PKIB: variants seen among roughly 807,000 people sequenced by gnomAD.
PKIB encodes cAMP-dependent protein kinase inhibitor beta.
PKIB carries 2 observed loss-of-function variants against 4.5 expected under a neutral mutation model. That is an observed-to-expected ratio of 0.44 (90% CI 0.18 to 1.39). The LOEUF is 1.39. PKIB is among the 40% of genes most tolerant of loss of function. The probability of loss-of-function intolerance (pLI) is 0.27; values close to 1 mark genes in which losing one functional copy is unlikely to be tolerated. For synonymous variants in PKIB, 38 were observed against 36.0 expected (o/e 1.06, Z -0.20); for missense variants, 94 against 92.6 (o/e 1.02, Z -0.06).
chr6:122,578,827 G>C (rs1169414795), intron 2 of PKIB, among the ~76,000 whole-genome samples: 1 of 152,132 alleles, frequency 6.6e-6, no homozygotes, highest in Non-Finnish European at 1.5e-5. Context: ...CGAATCATGG[G>C]GTCAGTTACC....
At chr6:122,643,499 G>C (rs1776194707) in intron 2 of PKIB, 1 of 152,002 alleles carries the variant, frequency 6.6e-6, no homozygotes, top group South Asian at 2.1e-4. Context: ...TATAAGTTAA[G>C]TGATACGTTA....
chr6:122,561,659 T>A (rs955263800), intron 2 of PKIB, among the ~76,000 whole-genome samples: 4 of 152,134 alleles, frequency 2.6e-5, no homozygotes, highest in South Asian at 4.1e-4. Context: ...CTTTTACCTT[T>A]ATATATTGTC....
At chr6:122,676,127 G>A (rs2114959605) in intron 3 of PKIB, among the ~76,000 whole-genome samples, 1 of 151,908 alleles carries the variant, frequency 6.6e-6, no homozygotes, top group South Asian at 2.1e-4. Flanking sequence ...CGCTGAGCTT[G>A]TTTTCCTGCA....
intron 3 of PKIB, among the ~76,000 whole-genome samples, chr6:122,684,389 T>C (rs1778015787): frequency 6.6e-6 from 1 of 152,118 alleles, no homozygotes; most frequent in Non-Finnish European, 1.5e-5. Flanking sequence ...AAAAAACACT[T>C]TCCCCTAAGC....
At chr6:122,508,755 A>T (rs987207179) in intron 2 of PKIB, among the ~76,000 whole-genome samples, 1 of 147,354 alleles carries the variant, frequency 6.8e-6, no homozygotes, top group Admixed American at 6.8e-5. Flanking sequence ...GCTGATTAAA[A>T]TTTTTTTTTT....
At chr6:122,666,045 A>T (rs1290577034) in intron 2 of PKIB, among the ~76,000 whole-genome samples, 4 of 152,200 alleles carry the variant, frequency 2.6e-5, no homozygotes, top group African/African-American at 9.6e-5. Flanking sequence ...CAAATAAGGA[A>T]ATGTGAGCCG....
chr6:122,572,337 A>G (rs1252796462), intron 2 of PKIB, among the ~76,000 whole-genome samples: 1 of 152,100 alleles, frequency 6.6e-6, no homozygotes, highest in Non-Finnish European at 1.5e-5. Context: ...CCTCCAAACT[A>G]TACAAATACA....
intron 3 of PKIB, among the ~76,000 whole-genome samples, chr6:122,688,471 T>C (rs919495267): frequency 1.3e-5 from 2 of 151,434 alleles, no homozygotes; most frequent in East Asian, 4.0e-4. Flanking sequence ...CATTATGGGA[T>C]GAATTTGACA....
chr6:122,498,779 T>G (rs1049992725), intron 2 of PKIB, among the ~76,000 whole-genome samples: 5 of 152,094 alleles, frequency 3.3e-5, no homozygotes, highest in Non-Finnish European at 7.4e-5. Context: ...AAATATAAAG[T>G]GAGTTCTTTA....
intron 2 of PKIB, among the ~76,000 whole-genome samples, chr6:122,539,238 G>A (rs1249641222): frequency 8.6e-5 from 13 of 152,010 alleles, no homozygotes; most frequent in Non-Finnish European, 1.9e-4. Context: ...AGGGGTGAGA[G>A]AGGGCATCCC....
At chr6:122,613,348 G>T (rs1318903367) in intron 1 of PKIB, among the ~76,000 whole-genome samples, 1 of 152,120 alleles carries the variant, frequency 6.6e-6, no homozygotes, top group Admixed American at 6.5e-5. Flanking sequence ...GATAAGCATT[G>T]TTAATCATGA....
intron 2 of PKIB, among the ~76,000 whole-genome samples, chr6:122,633,893 C>T (rs1183331172): frequency 6.6e-6 from 1 of 152,034 alleles, no homozygotes; most frequent in Non-Finnish European, 1.5e-5. Flanking sequence ...GTTTGAGAGA[C>T]AGGTTTTTGT....
At chr6:122,673,396 C>T (rs1777541911) in intron 2 of PKIB, among the ~76,000 whole-genome samples, 1 of 152,096 alleles carries the variant, frequency 6.6e-6, no homozygotes. Context: ...TGTATATTTA[C>T]ATTACATTAT....
intron 3 of PKIB, among the ~76,000 whole-genome samples, chr6:122,601,061 T>G (rs1387866886): frequency 2.2e-5 from 3 of 139,118 alleles, no homozygotes; most frequent in Non-Finnish European, 4.7e-5. Context: ...TATGACAGAG[T>G]AAAAAAAAAA....
At chr6:122,490,595 C>T (rs76164523) in intron 2 of PKIB, among the ~76,000 whole-genome samples, 14,400 of 152,074 alleles carry the variant, frequency 0.095, 813 homozygotes, top group South Asian at 0.15. Flanking sequence ...GGACCTCTCC[C>T]TTCTCTCTTT....
chr6:122,507,993 TG>T (rs1562233483), intron 2 of PKIB, among the ~76,000 whole-genome samples: 1 of 152,160 alleles, frequency 6.6e-6, no homozygotes, highest in Non-Finnish European at 1.5e-5. Context: ...TTTAATTTTT[TG>T]TTTATGTAAT....
intron 1 of PKIB, among the ~76,000 whole-genome samples, chr6:122,625,632 T>A (rs1352059133): frequency 6.6e-6 from 1 of 151,092 alleles, no homozygotes; most frequent in African/African-American, 2.4e-5. Context: ...AAAGACTCTG[T>A]CTCCAAAAAT....
At chr6:122,548,210 G>C (rs1772564271) in intron 2 of PKIB, among the ~76,000 whole-genome samples, 1 of 152,098 alleles carries the variant, frequency 6.6e-6, no homozygotes, top group African/African-American at 2.4e-5. Context: ...GATGACCCTT[G>C]ACTCATTTTC....
At chr6:122,690,933 T>TATATATATA (rs397788048) in intron 3 of PKIB, among the ~76,000 whole-genome samples, 4 of 112,450 alleles carry the variant, frequency 3.6e-5, no homozygotes, top group African/African-American at 1.2e-4. Flanking sequence ...TATATATATA[T>TATATATATA]TTTTTTTTTT....
Sources: gnomAD v4.1 joint callset for allele counts (sites outside exome capture counted in the v4.1 genomes callset) on GRCh38, gnomAD v4.1.1 for gene constraint, MANE v1.5 for transcripts, NCBI Gene and HGNC (gene_info 2026-07-23, HGNC 2026-07-21) for gene names.